Variants in CADM2 observed in about 807,000 individuals in gnomAD.
CADM2 encodes cell adhesion molecule 2.
In CADM2, 12 loss-of-function variants were observed where a neutral mutation model predicts 49.8. That is an observed-to-expected ratio of 0.24 (90% CI 0.15 to 0.39). CADM2 has a LOEUF of 0.39. CADM2 is among the 10% of genes least tolerant of loss of function. CADM2 has a pLI of 1.00. For missense variants in CADM2, 378 were observed against 492.3 expected (o/e 0.77, Z 2.20); for synonymous variants, 214 against 175.4 (o/e 1.22, Z -1.74).
At chr3:85,545,048 A>G (rs1242806122) in intron 1 of CADM2, among the ~76,000 whole-genome samples, 1 of 152,140 alleles carries the variant, frequency 6.6e-6, no homozygotes, top group East Asian at 1.9e-4. Context: ...TTGGTTTTCT[A>G]TAAGTCTTGG....
At chr3:85,238,058 G>T (rs1213348716) in intron 1 of CADM2, among the ~76,000 whole-genome samples, 6 of 151,896 alleles carry the variant, frequency 4.0e-5, no homozygotes, top group Admixed American at 1.3e-4. Flanking sequence ...TTGATATTGA[G>T]AATGTACAGC....
chr3:86,042,513 C>T (rs1736083258), intron 8 of CADM2, among the ~76,000 whole-genome samples: 1 of 152,102 alleles, frequency 6.6e-6, no homozygotes, highest in Non-Finnish European at 1.5e-5. Context: ...CATACACCCT[C>T]CCAAGACTAA....
chr3:85,594,188 A>C (rs1053738680), intron 1 of CADM2, among the ~76,000 whole-genome samples: 3 of 151,888 alleles, frequency 2.0e-5, no homozygotes, highest in South Asian at 2.1e-4. Flanking sequence ...AAGGTAATTG[A>C]AAATATTTAA....
At chr3:85,254,938 C>T (rs1444820398) in intron 1 of CADM2, among the ~76,000 whole-genome samples, 1 of 152,116 alleles carries the variant, frequency 6.6e-6, no homozygotes, top group Non-Finnish European at 1.5e-5. Flanking sequence ...AATATTATCC[C>T]TGCGAGTCAG....
At chr3:85,901,386 A>AT (rs1225421651) in intron 5 of CADM2, among the ~76,000 whole-genome samples, 2 of 152,202 alleles carry the variant, frequency 1.3e-5, no homozygotes, top group African/African-American at 4.8e-5. Flanking sequence ...TATAGTATAG[A>AT]TTACAGTTGG....
At chr3:86,034,706 T>C (rs974223575) in intron 8 of CADM2, among the ~76,000 whole-genome samples, 3 of 152,072 alleles carry the variant, frequency 2.0e-5, no homozygotes, top group Admixed American at 6.6e-5. Context: ...AGTTTCCCAA[T>C]GGAAATCTAT....
chr3:85,525,713 T>A (rs1049768673), intron 1 of CADM2, among the ~76,000 whole-genome samples: 30 of 152,292 alleles, frequency 2.0e-4, no homozygotes, highest in African/African-American at 7.0e-4. Context: ...CTTAATTTAT[T>A]CTCTGTTCCC....
At chr3:84,972,926 A>AT (rs953128724) in intron 1 of CADM2, among the ~76,000 whole-genome samples, 6 of 151,862 alleles carry the variant, frequency 4.0e-5, no homozygotes, top group Admixed American at 1.3e-4. Context: ...TACTATTATT[A>AT]TTTTTTGAAT....
At chr3:85,466,624 AT>A (rs1163249725) in intron 1 of CADM2, among the ~76,000 whole-genome samples, 1 of 152,348 alleles carries the variant, frequency 6.6e-6, no homozygotes, top group East Asian at 1.9e-4. Context: ...ATATGAAATC[AT>A]GTCAGATTAA....
rs147870348 is a variant in CADM2, at chr3:85,912,455, T to C, written c.612T>C (p.Ser204=). The C allele has an allele frequency of 1.3e-4, 202 of 1,613,790 alleles. No individual in the cohort carries two copies. The African/African-American group carries it at 2.5e-3, about 20-fold the overall frequency. Residue 204 remains serine, a synonymous_variant, in exon 6 of 10, where the codon AGT becomes AGC. Coordinates refer to ENST00000383699, the MANE Select transcript of CADM2 (RefSeq NM_001167675.2). ...SSTLDFRVDR[S]DDGVAVICRV... ...CACTGGACTTCCGAGTGGACCGGAG[T>C]GATGATGGAGTGGCGGTCATCTGCA...
At chr3:85,782,583 G>T (rs1282831329) in intron 2 of CADM2, among the ~76,000 whole-genome samples, 2 of 150,988 alleles carry the variant, frequency 1.3e-5, no homozygotes, top group African/African-American at 2.4e-5. Context: ...TTGAACCCAG[G>T]AGGTGGAGGT....
At chr3:85,731,615 A>G (rs1169326421) in intron 2 of CADM2, among the ~76,000 whole-genome samples, 1 of 152,162 alleles carries the variant, frequency 6.6e-6, no homozygotes, top group African/African-American at 2.4e-5. Context: ...AAGTTTCACT[A>G]TATTTCCTCT....
chr3:85,450,252 C>G (rs1444811682), intron 1 of CADM2, among the ~76,000 whole-genome samples: 1 of 152,034 alleles, frequency 6.6e-6, no homozygotes, highest in African/African-American at 2.4e-5. Context: ...GTCTAATTTA[C>G]TTATCCAATA....
chr3:85,587,134 A>G lies in CADM2; in HGVS notation c.62-139388A>G, dbSNP rs757847490. 5.9e-5 allele frequency among the ~76,000 whole-genome samples: 9 copies of G among 152,108 alleles called. No individual in the cohort carries two copies. In the South Asian group the frequency reaches 8.3e-4, roughly 14 times the overall value. On this transcript the variant is annotated intron_variant, in intron 1 of 9. Coordinates refer to ENST00000383699, the MANE Select transcript of CADM2 (RefSeq NM_001167675.2). ...GTATAATTTACCTACTTCATCAGGA[A>G]TCTGTAAGGACTGAAAATATTTGTA... is the stretch of plus-strand genomic sequence containing the variant.
At chr3:85,506,602 T>C (rs2040364004) in intron 1 of CADM2, among the ~76,000 whole-genome samples, 1 of 152,146 alleles carries the variant, frequency 6.6e-6, no homozygotes, top group African/African-American at 2.4e-5. Context: ...TATCACTATG[T>C]TGCCCAGGCT....
At chr3:85,963,036 A>C (rs1725037427) in intron 8 of CADM2, among the ~76,000 whole-genome samples, 1 of 151,946 alleles carries the variant, frequency 6.6e-6, no homozygotes, top group Admixed American at 6.6e-5. Context: ...TTAATCTAAC[A>C]AGTGTTATTT....
chr3:85,871,288 TC>T (rs964554063), intron 3 of CADM2, among the ~76,000 whole-genome samples: 4 of 152,186 alleles, frequency 2.6e-5, no homozygotes, highest in African/African-American at 9.6e-5. Flanking sequence ...ATGCTCAACA[TC>T]ACTAATCATT....
At chr3:85,940,896 T>C (rs574671926) in intron 7 of CADM2, among the ~76,000 whole-genome samples, 1 of 151,656 alleles carries the variant, frequency 6.6e-6, no homozygotes, top group Non-Finnish European at 1.5e-5. Context: ...CAAAATTGAG[T>C]GGAAAGTACA....
chr3:85,577,408 C>A (rs2062663855), intron 1 of CADM2, among the ~76,000 whole-genome samples: 1 of 152,034 alleles, frequency 6.6e-6, no homozygotes, highest in South Asian at 2.1e-4. Context: ...GCAAGTTAGG[C>A]CCTCTCCTGC....
Sources: allele counts gnomAD v4.1 joint callset (sites outside exome capture counted in the v4.1 genomes callset), GRCh38; gene constraint gnomAD v4.1.1; transcripts MANE v1.5; gene names NCBI Gene and HGNC (gene_info 2026-07-23, HGNC 2026-07-21).